PTK2: variants seen among roughly 807,000 people sequenced by gnomAD.
The protein encoded by PTK2 is focal adhesion kinase 1.
In PTK2, 45 loss-of-function variants were observed where a neutral mutation model predicts 150.1. The observed-to-expected ratio is 0.30, with a 90% CI of 0.24 to 0.38. PTK2 has a LOEUF of 0.38. Among genes scored for constraint, PTK2 ranks in the 10% least tolerant of loss-of-function variants. The pLI, the probability that PTK2 is intolerant of heterozygous loss-of-function variation, is 1.00. For missense variants in PTK2, 919 were observed against 1,307.3 expected (o/e 0.70, Z 4.58); for synonymous variants, 432 against 449.2 (o/e 0.96, Z 0.48).
chr8:140,771,726 G>A (rs927875226), intron 14 of PTK2, among the ~76,000 whole-genome samples: 1 of 151,324 alleles, frequency 6.6e-6, no homozygotes, highest in Non-Finnish European at 1.5e-5. Context: ...AATGAGAACA[G>A]AAATGTACAC....
chr8:140,761,332 T>C (rs2100069327), intron 15 of PTK2, 70 bp from the exon 19 acceptor site: 1 of 1,225,000 alleles, frequency 8.2e-7, no homozygotes, highest in South Asian at 1.2e-5. Flanking sequence ...ACTTGACGTA[T>C]TTCTTGATCA....
exon 20 of PTK2, chr8:140,743,318 A>G: frequency 1.2e-6 from 2 of 1,612,986 alleles, no homozygotes; most frequent in Non-Finnish European, 1.7e-6. Context: ...GAACATTCCG[A>G]GCAGCAATGT....
intron 2 of PTK2, among the ~76,000 whole-genome samples, chr8:140,920,003 T>G (rs1231679594): frequency 6.6e-6 from 1 of 152,124 alleles, no homozygotes; most frequent in Non-Finnish European, 1.5e-5. Context: ...AGTCTATACC[T>G]CTACTCATAA....
intron 2 of PTK2, among the ~76,000 whole-genome samples, chr8:140,896,057 C>A (rs928413098): frequency 6.6e-6 from 1 of 152,032 alleles, no homozygotes; most frequent in Non-Finnish European, 1.5e-5. Context: ...ATGAGTAATA[C>A]AATAAGGGAT....
intron 7 of PTK2, among the ~76,000 whole-genome samples, chr8:140,832,065 G>GT (rs1019049106): frequency 6.6e-6 from 1 of 152,130 alleles, no homozygotes; most frequent in East Asian, 1.9e-4. Flanking sequence ...CAGAGTGTTT[G>GT]TTTTTTTGAG....
chr8:140,988,197 C>T (rs1588872844), intron 1 of PTK2, among the ~76,000 whole-genome samples: 2 of 152,112 alleles, frequency 1.3e-5, no homozygotes, highest in Non-Finnish European at 2.9e-5. Flanking sequence ...CAGTTCTCCA[C>T]GAATAGATGT....
chr8:140,880,026 A>C (rs2100148294), intron 3 of PTK2, among the ~76,000 whole-genome samples: 1 of 152,170 alleles, frequency 6.6e-6, no homozygotes, highest in African/African-American at 2.4e-5. Flanking sequence ...TCCAGACCCA[A>C]GGAGGGGTTA....
chr8:140,903,291 A>G (rs1351978289), intron 2 of PTK2, among the ~76,000 whole-genome samples: 6 of 152,060 alleles, frequency 3.9e-5, no homozygotes, highest in African/African-American at 1.4e-4. Context: ...AGATGGTTGT[A>G]GATGTATGGC....
At chr8:140,743,488 C>CAT (rs984094574) in intron 19 of PTK2, among the ~76,000 whole-genome samples, 158 bp from the exon 23 acceptor site, 1 of 151,970 alleles carries the variant, frequency 6.6e-6, no homozygotes, top group African/African-American at 2.4e-5. Flanking sequence ...TAATAAATCT[C>CAT]ATATATACAC....
intron 3 of PTK2, among the ~76,000 whole-genome samples, chr8:140,885,849 C>T (rs1327769652): frequency 4.6e-5 from 7 of 152,080 alleles, no homozygotes; most frequent in Admixed American, 3.9e-4. Context: ...TCTCAAAGGA[C>T]GTGCATGTTG....
exon 6 of PTK2, chr8:140,846,607 T>C (rs1460754868): frequency 6.2e-7 from 1 of 1,607,352 alleles, no homozygotes; most frequent in Non-Finnish European, 8.5e-7. Flanking sequence ...ACCGTATTTC[T>C]AGACAACCCA....
At chr8:140,841,040 T>C (rs2100122018) in intron 7 of PTK2, among the ~76,000 whole-genome samples, 1 of 152,180 alleles carries the variant, frequency 6.6e-6, no homozygotes, top group African/African-American at 2.4e-5. Context: ...GGTATATTGT[T>C]CGTATGTTTA....
intron 14 of PTK2, among the ~76,000 whole-genome samples, chr8:140,788,105 G>T (rs560343133): frequency 1.3e-5 from 2 of 152,290 alleles, no homozygotes; most frequent in African/African-American, 4.8e-5. Flanking sequence ...GTCACTACTG[G>T]AAACTAGGGC....
At chr8:140,846,531 C>G (rs764753602) in intron 6 of PTK2, 68 bp downstream of exon 6, 1 of 1,332,648 alleles carries the variant, frequency 7.5e-7, no homozygotes, top group Non-Finnish European at 1.1e-6. Flanking sequence ...AGGAAAATAC[C>G]TGGAAAATAT....
At chr8:140,664,629 T>C (rs1420723169) in intron 31 of PTK2, among the ~76,000 whole-genome samples, 1 of 152,170 alleles carries the variant, frequency 6.6e-6, no homozygotes, top group Admixed American at 6.5e-5. Context: ...TCAGAGCCAC[T>C]TGTAGCTCAG....
intron 4 of PTK2, among the ~76,000 whole-genome samples, chr8:140,867,728 G>A (rs1306633076): frequency 6.6e-6 from 1 of 152,142 alleles, no homozygotes; most frequent in East Asian, 1.9e-4. Context: ...ATCTGCCCAT[G>A]TACCCTTGAA....
At chr8:140,683,421 G>T (rs1012598115) in intron 27 of PTK2, among the ~76,000 whole-genome samples, 1 of 152,108 alleles carries the variant, frequency 6.6e-6, no homozygotes, top group Admixed American at 6.6e-5. Context: ...TTTAACAGAT[G>T]TACAAAGATG....
chr8:140,890,468 T>C, intron 3 of PTK2, 75 bp downstream of exon 3: 1 of 1,233,934 alleles, frequency 8.1e-7, no homozygotes, highest in Non-Finnish European at 1.1e-6. Flanking sequence ...ATTATTACAC[T>C]ATCTTTTTTC....
chr8:140,785,242 T>C (rs1176659412), intron 14 of PTK2, among the ~76,000 whole-genome samples: 1 of 152,350 alleles, frequency 6.6e-6, no homozygotes, highest in East Asian at 1.9e-4. Flanking sequence ...CGGTTCCCGC[T>C]ACCCAGAATG....
Sources: allele counts gnomAD v4.1 joint callset (sites outside exome capture counted in the v4.1 genomes callset), GRCh38; gene constraint gnomAD v4.1.1; transcripts MANE v1.5; gene names NCBI Gene and HGNC (gene_info 2026-07-23, HGNC 2026-07-21).